Variants in ERC2 observed in about 807,000 individuals in gnomAD.
ERC2 encodes the protein ERC protein 2.
ERC2 carries 42 observed loss-of-function variants against 114.8 expected under a neutral mutation model. The ratio of observed to expected loss-of-function variants is 0.37; its 90% CI spans 0.29 to 0.47. The LOEUF (loss-of-function observed/expected upper bound fraction) is 0.47. Among genes scored for constraint, ERC2 ranks in the 20% least tolerant of loss-of-function variants. The pLI is 0.99. For synonymous variants in ERC2, 454 were observed against 425.5 expected (o/e 1.07, Z -0.82); for missense variants, 939 against 1,150.7 (o/e 0.82, Z 2.66).
intron 13 of ERC2, among the ~76,000 whole-genome samples, chr3:55,895,506 C>T (rs1301246035): frequency 6.6e-6 from 1 of 152,180 alleles, no homozygotes; most frequent in African/African-American, 2.4e-5. Context: ...AGCACATGCC[C>T]ATTCCTAGCC....
At chr3:56,052,519 T>A (rs572166109) in intron 7 of ERC2, among the ~76,000 whole-genome samples, 2 of 152,352 alleles carry the variant, frequency 1.3e-5, no homozygotes, top group South Asian at 4.1e-4. Flanking sequence ...ATGGAGGCCA[T>A]CTGGCCCTTT....
intron 14 of ERC2, among the ~76,000 whole-genome samples, chr3:55,827,961 A>ACGTCCATCGCCACTGCGGCCAAGC (rs2060400717): frequency 6.6e-6 from 1 of 152,222 alleles, no homozygotes; most frequent in Non-Finnish European, 1.5e-5. Context: ...TGTGTTCAGC[A>ACGTCCATCGCCACTGCGGCCAAGC]CGTCCATCGC....
chr3:55,905,180 A>G (rs2064357778), intron 13 of ERC2, among the ~76,000 whole-genome samples: 1 of 152,164 alleles, frequency 6.6e-6, no homozygotes, highest in African/African-American at 2.4e-5. Context: ...TCCCGGGTTC[A>G]AGCAATTCTC....
intron 6 of ERC2, among the ~76,000 whole-genome samples, chr3:56,118,953 C>A (rs9820493): frequency 0.18 from 26,766 of 152,120 alleles, 2,922 homozygotes; most frequent in African/African-American, 0.3. Context: ...TATTCTTAAG[C>A]AAGGCTTGGC....
At chr3:56,313,147 AAG>A (rs952531972) in intron 2 of ERC2, among the ~76,000 whole-genome samples, 129 of 150,152 alleles carry the variant, frequency 8.6e-4, no homozygotes, top group African/African-American at 2.9e-3. Flanking sequence ...ACAAAAAAAA[AAG>A]AGAGGAAAAT....
intron 2 of ERC2, among the ~76,000 whole-genome samples, chr3:56,338,294 G>A (rs945586764): frequency 6.6e-6 from 1 of 152,180 alleles, no homozygotes; most frequent in East Asian, 1.9e-4. Context: ...CTATATCTGT[G>A]TGATATCTCA....
chr3:55,600,970 C>T (rs2058374061), intron 17 of ERC2, among the ~76,000 whole-genome samples: 2 of 152,244 alleles, frequency 1.3e-5, no homozygotes, highest in African/African-American at 4.8e-5. Flanking sequence ...TTAATACCTG[C>T]TGCTGGCCAT....
chr3:55,789,444 T>C (rs1368509649), intron 14 of ERC2, among the ~76,000 whole-genome samples: 2 of 152,218 alleles, frequency 1.3e-5, no homozygotes, highest in Non-Finnish European at 2.9e-5. Context: ...CCCAAGTCTC[T>C]TAGCAATTTT....
chr3:55,687,506 G>C (rs998463448), intron 16 of ERC2, among the ~76,000 whole-genome samples: 7 of 152,090 alleles, frequency 4.6e-5, no homozygotes, highest in Admixed American at 3.3e-4. Flanking sequence ...AAAGCAAGTA[G>C]AACCAGCGAA....
At chr3:56,161,146 C>G (rs540153992) in intron 4 of ERC2, among the ~76,000 whole-genome samples, 1 of 152,244 alleles carries the variant, frequency 6.6e-6, no homozygotes, top group African/African-American at 2.4e-5. Flanking sequence ...TCGGGGCCCT[C>G]CTCCCAGTTC....
chr3:56,299,041 T>A (rs996478399), intron 2 of ERC2, among the ~76,000 whole-genome samples: 30 of 151,902 alleles, frequency 2.0e-4, no homozygotes, highest in African/African-American at 6.5e-4. Context: ...GCAACTGTCT[T>A]TGAGGCATTT....
chr3:56,107,583 G>A (rs1241255248), intron 6 of ERC2, among the ~76,000 whole-genome samples: 4 of 152,082 alleles, frequency 2.6e-5, no homozygotes, highest in Admixed American at 2.6e-4. Context: ...CTAAAAATGT[G>A]CAGGCAACCA....
intron 14 of ERC2, among the ~76,000 whole-genome samples, chr3:55,822,712 C>T (rs919702369): frequency 3.1e-4 from 47 of 151,372 alleles, no homozygotes; most frequent in Non-Finnish European, 5.2e-4. Context: ...ACTACAGGCA[C>T]CCGCCACTCT....
At chr3:55,826,790 T>C (rs1385955966) in intron 14 of ERC2, among the ~76,000 whole-genome samples, 1 of 152,240 alleles carries the variant, frequency 6.6e-6, no homozygotes, top group Non-Finnish European at 1.5e-5. Flanking sequence ...GTATTTGTTG[T>C]CTTACTTTGT....
chr3:56,022,479 T>A (rs954357910), intron 7 of ERC2, among the ~76,000 whole-genome samples: 1 of 152,180 alleles, frequency 6.6e-6, no homozygotes, highest in East Asian at 1.9e-4. Context: ...AAATAATCCT[T>A]TCATACTCCA....
At chr3:55,704,719 T>C (rs815440) in intron 15 of ERC2, among the ~76,000 whole-genome samples, 91,626 of 152,064 alleles carry the variant, frequency 0.6, 27,953 homozygotes, top group South Asian at 0.75. Flanking sequence ...CAAAATGAAG[T>C]CAGAGGATGC....
At chr3:55,852,982 T>C (rs2061637754) in intron 14 of ERC2, among the ~76,000 whole-genome samples, 1 of 152,204 alleles carries the variant, frequency 6.6e-6, no homozygotes, top group South Asian at 2.1e-4. Flanking sequence ...CTCTGCCCTA[T>C]ACATGCCAGT....
rs1468277592 is a variant in ERC2, at chr3:55,799,683, T to C, written c.2565-64765A>G. 3.3e-5 allele frequency among the ~76,000 whole-genome samples: 5 copies of C among 151,840 alleles called. 1 individual carries two copies. The highest frequency in any genetic ancestry group is 2.0e-4 in the Admixed American group (3 of 15,242). The stretch of plus-strand genomic sequence containing the variant: ...CCACTGTATGGTGCCATCTCTCCCA[T>C]AGTAAGGATGCATGACTGGAAAAAC... On this transcript the variant is annotated intron_variant, in intron 14 of 17. Coordinates refer to ENST00000288221, the MANE Select transcript of ERC2 (RefSeq NM_015576.3).
At chr3:55,854,618 CT>C (rs1267039294) in intron 14 of ERC2, among the ~76,000 whole-genome samples, 1 of 152,184 alleles carries the variant, frequency 6.6e-6, no homozygotes, top group Non-Finnish European at 1.5e-5. Flanking sequence ...CCCAGATCCC[CT>C]AAGGACCTGG....
Sources: gnomAD v4.1 joint callset for allele counts (sites outside exome capture counted in the v4.1 genomes callset) on GRCh38, gnomAD v4.1.1 for gene constraint, MANE v1.5 for transcripts, NCBI Gene and HGNC (gene_info 2026-07-23, HGNC 2026-07-21) for gene names.